Variants in LMO7 observed in about 807,000 individuals in gnomAD.
LMO7 encodes LIM domain only protein 7.
LMO7 carries 120 observed loss-of-function variants against 206.5 expected under a neutral mutation model. The ratio of observed to expected loss-of-function variants is 0.58; its 90% confidence interval spans 0.50 to 0.68. The LOEUF (loss-of-function observed/expected upper bound fraction) is 0.68, where lower values mean the gene tolerates loss of function less well. Ranked by LOEUF, LMO7 falls within the 30% of genes least tolerant of loss-of-function variation. The pLI is 0.00. For synonymous variants in LMO7, 706 were observed against 681.5 expected, an observed-to-expected ratio of 1.04 and a Z score of -0.56; for missense variants, 1,959 against 1,957.9, an observed-to-expected ratio of 1.00 and a Z score of -0.01.
intron 25 of LMO7, 144 bp from the exon 26 acceptor site, chr13:75,845,183 C>A: frequency 2.2e-6 from 1 of 454,486 alleles, no homozygotes; most frequent in Non-Finnish European, 3.9e-6. Flanking sequence ...TGAAAAATTT[C>A]TTGGTTTAAA....
At chr13:75,635,075 A>C (rs2035606733), upstream of LMO7, among the ~76,000 whole-genome samples, 1 of 152,198 alleles carries the variant, frequency 6.6e-6, no homozygotes, top group Non-Finnish European at 1.5e-5. Flanking sequence ...TTAAAAAATT[A>C]AAAAATAAAA....
intron 1 of LMO7, among the ~76,000 whole-genome samples, chr13:75,666,391 A>G (rs1204688897): frequency 1.3e-5 from 2 of 152,200 alleles, no homozygotes; most frequent in African/African-American, 4.8e-5. Context: ...AAGTTCCCCA[A>G]TGTCCTAATT....
At chr13:75,729,047 A>G (rs2044807909) in intron 3 of LMO7, among the ~76,000 whole-genome samples, 1 of 152,148 alleles carries the variant, frequency 6.6e-6, no homozygotes, top group Non-Finnish European at 1.5e-5. Context: ...GTATAGTTTG[A>G]GGTCAGGTAG....
chr13:75,780,294 T>C (rs1271156275), intron 4 of LMO7, among the ~76,000 whole-genome samples: 1 of 152,174 alleles, frequency 6.6e-6, no homozygotes, highest in East Asian at 1.9e-4. Flanking sequence ...AGGGCGTATT[T>C]CATCCCAACT....
chr13:75,773,826 T>G (rs2050045098), intron 4 of LMO7, among the ~76,000 whole-genome samples: 1 of 152,128 alleles, frequency 6.6e-6, no homozygotes, highest in African/African-American at 2.4e-5. Flanking sequence ...GAAGCAATAA[T>G]AGTCATTTGT....
At chr13:75,792,584 T>C (rs1260166944) in intron 4 of LMO7, among the ~76,000 whole-genome samples, 1 of 152,204 alleles carries the variant, frequency 6.6e-6, no homozygotes, top group Non-Finnish European at 1.5e-5. Flanking sequence ...CCTGTGTTAC[T>C]GTGAGCTTCC....
intron 1 of LMO7, among the ~76,000 whole-genome samples, chr13:75,639,830 C>G (rs1452859011): frequency 6.6e-6 from 1 of 152,188 alleles, no homozygotes; most frequent in East Asian, 1.9e-4. Context: ...AACAGGCTAA[C>G]TTAATTCACC....
chr13:75,816,611 C>G (rs1200963050), intron 11 of LMO7, among the ~76,000 whole-genome samples: 5 of 152,140 alleles, frequency 3.3e-5, no homozygotes, highest in Admixed American at 6.6e-5. Context: ...TAGAAACTAC[C>G]TGTGGTGCGT....
chr13:75,734,613 G>T (rs1345801227), intron 3 of LMO7, among the ~76,000 whole-genome samples: 1 of 152,174 alleles, frequency 6.6e-6, no homozygotes, highest in East Asian at 1.9e-4. Context: ...GGTGTTGGTT[G>T]CAGAGTGTTT....
chr13:75,697,050 T>C (rs1023213952), intron 1 of LMO7, among the ~76,000 whole-genome samples: 1 of 152,178 alleles, frequency 6.6e-6, no homozygotes, highest in African/African-American at 2.4e-5. Flanking sequence ...AACTAGCCTG[T>C]GGGCTGTGAT....
rs934522932 is a variant in LMO7, at chr13:75,661,234, C to T, written c.69+24508C>T. Among the ~76,000 whole-genome samples the T allele has an allele frequency of 8.5e-5, 13 of 152,214 alleles. No homozygotes were observed. The South Asian group carries it at 2.3e-3, about 27-fold the overall frequency. ...GGGTTTTCATCTTTGTGTTTTCCAT[C>T]GTACTGTGTATATATAGTAGATGCC... is the stretch of plus-strand genomic sequence containing the variant. On this transcript the variant is annotated intron_variant, in intron 1 of 30. Transcript: ENST00000377534.
intron 3 of LMO7, among the ~76,000 whole-genome samples, chr13:75,745,624 G>T (rs1217124059): frequency 6.6e-6 from 1 of 152,086 alleles, no homozygotes; most frequent in East Asian, 1.9e-4. Context: ...GGCTGTTATT[G>T]TATGAGATTA....
At chr13:75,830,296 CCCACAAGTGGGGCT>C (rs543403763) in intron 15 of LMO7, among the ~76,000 whole-genome samples, 1,686 of 152,190 alleles carry the variant, frequency 0.011, 19 homozygotes, top group Non-Finnish European at 0.016. Flanking sequence ...AGGGGAAGGC[CCCACAAGTGGGGCT>C]CTGGAACTCT....
chr13:75,767,159 TAATA>T (rs2049011931), intron 4 of LMO7, among the ~76,000 whole-genome samples: 1 of 152,132 alleles, frequency 6.6e-6, no homozygotes, highest in African/African-American at 2.4e-5. Context: ...TTCAAAGTTT[TAATA>T]AATCCTTGTG....
intron 1 of LMO7, among the ~76,000 whole-genome samples, chr13:75,689,525 AG>A (rs1343555014): frequency 1.3e-5 from 2 of 152,180 alleles, no homozygotes; most frequent in Non-Finnish European, 2.9e-5. Context: ...GTGGTGCCAA[AG>A]GAGATTAACA....
intron 15 of LMO7, among the ~76,000 whole-genome samples, chr13:75,831,883 T>C (rs1397761471): frequency 6.6e-6 from 1 of 152,176 alleles, no homozygotes; most frequent in African/African-American, 2.4e-5. Context: ...ATCCACACCA[T>C]AGCAAGTACT....
rs2055139050 is a variant in LMO7, at chr13:75,804,164, T to G, written c.662-125T>G. 3 of 973,274 alleles carry G rather than the reference T, an allele frequency of 3.1e-6. No individual in the cohort carries two copies. The African/African-American group carries it at 4.9e-5, about 16-fold the overall frequency. The allele number at this position is 973,274 out of a possible 1,614,324, so 60.3% of individuals were successfully genotyped here. A position where few individuals can be genotyped will look rare whatever the true frequency, so the allele number is the denominator to read the frequency against. ...CAACTTCGTGACAAATTTCTAAAAA[T>G]ATTCCCTGCAGTTAGCAGTGGCAGC... On this transcript the variant is annotated intron_variant, in intron 7 of 30. Coordinates refer to ENST00000377534, the MANE Select transcript of LMO7 (RefSeq NM_001306080.2).
At chr13:75,766,310 A>G (rs142251008) in intron 4 of LMO7, among the ~76,000 whole-genome samples, 1 of 136,970 alleles carries the variant, frequency 7.3e-6, no homozygotes, top group South Asian at 2.2e-4. Context: ...TCTGACTTTC[A>G]TGTCCTATTC....
chr13:75,786,068 G>A (rs927742253), intron 4 of LMO7, among the ~76,000 whole-genome samples: 11 of 152,070 alleles, frequency 7.2e-5, no homozygotes, highest in Non-Finnish European at 1.6e-4. Context: ...TGTAGAGATG[G>A]GTAAGAAGAT....
Sources: gnomAD v4.1 joint callset for allele counts (sites outside exome capture counted in the v4.1 genomes callset) on GRCh38, gnomAD v4.1.1 for gene constraint, MANE v1.5 for transcripts, NCBI Gene and HGNC (gene_info 2026-07-23, HGNC 2026-07-21) for gene names.